Variants in TINF2 observed in about 807,000 individuals in gnomAD.
TINF2 encodes TERF1 interacting nuclear factor 2.
A neutral mutation model predicts 50.4 loss-of-function variants in TINF2; 27 were observed. That is an observed-to-expected ratio of 0.54 (90% CI 0.40 to 0.74). The LOEUF is 0.74. TINF2 is among the 30% of genes least tolerant of loss of function. The probability of loss-of-function intolerance (pLI) is 0.00; values close to 1 mark genes in which losing one functional copy is unlikely to be tolerated. For missense variants in TINF2, 496 were observed against 551.5 expected (o/e 0.90, Z 1.01); for synonymous variants, 223 against 214.6 (o/e 1.04, Z -0.34).
In TINF2 at chr14:24,241,960, C is replaced by G. The variant is rs1297715136; in HGVS notation, c.227G>C (p.Trp76Ser). 1 of 1,614,090 alleles carries G rather than the reference C, an allele frequency of 6.2e-7. No homozygotes were observed. Among genetic ancestry groups the G allele is most frequent in the Non-Finnish European group, 8.5e-7 (1 of 1,180,036 alleles). Residue 76 changes from tryptophan to serine, a missense_variant, in exon 2 of 9, where the codon TGG (tryptophan) becomes TCG (serine). Trp to Ser is a radical substitution (Grantham distance 177). This residue lies in a region of TINF2 where 314 missense variants were observed against 343.8 expected (regional missense o/e 0.91). Transcript: ENST00000267415. ...VVELILQGRP[W>S]AQVLKALNHH... ...ATTCAGGGCTTTCAGGACTTGGGCCCAAGGCCGGCCCTGCAGGATCAGCTC... is the reference window on the plus strand; with the variant it reads ...ATTCAGGGCTTTCAGGACTTGGGCCGAAGGCCGGCCCTGCAGGATCAGCTC...
At position 24,240,678 on chromosome 14, in the gene TINF2, CTCT is replaced by C. The variant is rs777178703; in HGVS notation, c.799_801del (p.Arg267del). 3 of 1,614,176 alleles carry C rather than the reference CTCT, an allele frequency of 1.9e-6. No individual in the cohort carries two copies. Among genetic ancestry groups the C allele is most frequent in the Non-Finnish European group, 2.5e-6 (3 of 1,180,020 alleles). ...CTAGTGGAGGCCCATTGGGACTGAA[CTCT>C]TCGTCGGCCTAGAGGGGCCAGATTG... is the stretch of plus-strand genomic sequence containing the variant. On this transcript the variant is annotated inframe_deletion, in exon 6 of 9. Transcript: ENST00000267415.
intron 3 of TINF2, 79 bp downstream of exon 3, chr14:24,241,596 G>A (rs1237316207): frequency 1.5e-5 from 19 of 1,273,680 alleles, no homozygotes; most frequent in East Asian, 5.1e-5. Context: ...CAGCCTGGGC[G>A]ACAGAGCAAG....
In TINF2 at chr14:24,241,738, T is replaced by C; in HGVS notation, c.336A>G (p.Glu112=). The C allele has an allele frequency of 6.2e-7, 1 of 1,613,698 alleles. No individual in the cohort carries two copies. The highest frequency in any genetic ancestry group is 8.5e-7 in the Non-Finnish European group (1 of 1,179,846). Residue 112 remains glutamate, a synonymous_variant, in exon 3 of 9, where the codon GAA becomes GAG. Coordinates refer to ENST00000267415, the MANE Select transcript of TINF2 (RefSeq NM_001099274.3). ...QDLRKILEAQ[E]TFYQQVKQLS... is the part of the protein sequence containing the mutation. ...GCTGCTTCACCTGCTGGTAAAAAGTTTCCTGTGCCTCCAAAATCTTCCTCA... is the reference window on the plus strand; with the variant it reads ...GCTGCTTCACCTGCTGGTAAAAAGTCTCCTGTGCCTCCAAAATCTTCCTCA...
At position 24,240,726 on chromosome 14, in the gene TINF2, G is replaced by C. The variant is rs768311481; in HGVS notation, c.754C>G (p.Pro252Ala). 1 of 1,613,662 alleles carries C rather than the reference G, an allele frequency of 6.2e-7. No homozygotes were observed. Among genetic ancestry groups the C allele is most frequent in the East Asian group, 2.2e-5 (1 of 44,878 alleles). ...AGATTGAAGTGTCGGCCAGCTAGAGGTTCTGGGTGCGTCCTTGAAGATGGT... is the reference window on the plus strand; with the variant it reads ...AGATTGAAGTGTCGGCCAGCTAGAGCTTCTGGGTGCGTCCTTGAAGATGGT... Reference protein sequence around the residue: ...QGPSSRTHPEPLAGRHFNLAP... With the variant: ...QGPSSRTHPEALAGRHFNLAP... Residue 252 changes from proline (P) to alanine (A), a missense_variant, in exon 6 of 9, where the codon CCT becomes GCT. By Grantham distance (27) the Pro-to-Ala change is conservative. Coordinates refer to ENST00000267415, the MANE Select transcript of TINF2 (RefSeq NM_001099274.3).
rs1363732790 is a variant in TINF2, at chr14:24,240,600, C to T, written c.880G>A (p.Gly294Ser). Residue 294 changes from glycine to serine, a missense_variant, in exon 6 of 9, where the codon GGC becomes AGC. Gly to Ser is a moderately conservative substitution (Grantham distance 56). This residue lies in a region of TINF2 where 3 missense variants were observed against 19.4 expected (regional missense o/e 0.15). Transcript: ENST00000267415. ...TTAGATATGACCTGGGTTGGTGAGCCGAGATTCCTAAAGGGAAACAGCATG... is the reference window on the plus strand; with the variant it reads ...TTAGATATGACCTGGGTTGGTGAGCTGAGATTCCTAAAGGGAAACAGCATG... ...TVMLFPFRNL[G>S]SPTQVISKPE... 15 of 1,614,028 alleles carry T rather than the reference C, an allele frequency of 9.3e-6. No homozygotes were observed. The highest frequency in any genetic ancestry group is 2.7e-5 in the African/African-American group (2 of 74,902).
chr14:24,240,121 G>A lies in TINF2; in HGVS notation c.1164C>T (p.Thr388=), dbSNP rs1188264509. The part of the protein sequence containing the change: ...CPPSLCSSVI[T]IGDLVLDSDE... The stretch of plus-strand genomic sequence containing the variant: ...CAGAGTCTAAAACCAAGTCCCCTAT[G>A]GTAATGACGGAGCTGCACAGAGACG... Residue 388 remains threonine, a synonymous_variant, in exon 8 of 9, where the codon ACC becomes ACT. Transcript: ENST00000267415. 1.9e-6 allele frequency: 3 copies of A among 1,613,974 alleles called. No homozygotes were observed. The highest frequency in any genetic ancestry group is 2.7e-5 in the African/African-American group (2 of 74,938).
In TINF2 at chr14:24,242,197, G is replaced by T; in HGVS notation, c.136C>A (p.Pro46Thr). Residue 46 changes from proline to threonine, a missense_variant, in exon 1 of 9, where the codon CCT (proline) becomes ACT (threonine). This residue lies in a region of TINF2 where 314 missense variants were observed against 343.8 expected (regional missense o/e 0.91). Transcript: ENST00000267415. ...EFLRSLRAVA[P>T]GLVRYRHHER... is the part of the protein sequence containing the mutation. ...TGGTGCCGGTAGCGAACCAAGCCAGGGGCAACAGCGCGCAGAGATCGCAGA... is the reference window on the plus strand; with the variant it reads ...TGGTGCCGGTAGCGAACCAAGCCAGTGGCAACAGCGCGCAGAGATCGCAGA... 1 of 1,614,246 alleles carries T rather than the reference G, an allele frequency of 6.2e-7. No individual in the cohort carries two copies. The highest frequency in any genetic ancestry group is 8.5e-7 in the Non-Finnish European group (1 of 1,180,036).
chr14:24,240,829 C>G lies in TINF2; in HGVS notation c.651G>C (p.Gln217His), dbSNP rs1271444952. 3 of 1,613,924 alleles carry G rather than the reference C, an allele frequency of 1.9e-6. No homozygotes were observed. Among genetic ancestry groups the G allele is most frequent in the African/African-American group, 2.7e-5 (2 of 74,928 alleles). The change falls in exon 6 of 9, where the codon CAG becomes CAC. Residue 217 changes from glutamine to histidine, a missense_variant. Coordinates refer to ENST00000267415, the MANE Select transcript of TINF2 (RefSeq NM_001099274.3). ...DSVNLAEPME[Q>H]NPPQQQRLAL... is the part of the protein sequence containing the mutation. The stretch of plus-strand genomic sequence containing the variant: ...CTAGTCTTTGTTGCTGAGGAGGATT[C>G]TGTTCCATGGGCTCAGCCAGGTTCA...
rs1171794268 is a variant in TINF2 at position 24,240,715 on chromosome 14, G to T, written c.765C>A (p.Gly255=). The change falls in exon 6 of 9, where the codon GGC becomes GGA. Residue 255 remains glycine (G), a synonymous_variant. Transcript: ENST00000267415. The part of the protein sequence containing the change: ...SSRTHPEPLA[G]RHFNLAPLGR... ...CTAGAGGGGCCAGATTGAAGTGTCG[G>T]CCAGCTAGAGGTTCTGGGTGCGTCC... 18 of 1,613,652 alleles carry T rather than the reference G, an allele frequency of 1.1e-5. No individual in the cohort carries two copies. Among genetic ancestry groups the T allele is most frequent in the Non-Finnish European group, 1.4e-5 (17 of 1,179,852 alleles).
At position 24,240,747 on chromosome 14, in the gene TINF2, A is replaced by G; in HGVS notation, c.733T>C (p.Ser245Pro). Reference protein sequence around the residue: ...KPGTHLPQGPSSRTHPEPLAG... With the variant: ...KPGTHLPQGPPSRTHPEPLAG... ...AGAGGTTCTGGGTGCGTCCTTGAAG[A>G]TGGTCCCTGAGGAAGATGTGTGCCA... The change falls in exon 6 of 9, where the codon TCT (serine) becomes CCT (proline). Residue 245 changes from serine (S) to proline (P), a missense_variant. By Grantham distance (74) the Ser-to-Pro change is moderately conservative (BLOSUM62 -1). Transcript: ENST00000267415. 6.2e-7 allele frequency: 1 copy of G among 1,613,326 alleles called. No homozygotes were observed. Among genetic ancestry groups the G allele is most frequent in the Non-Finnish European group, 8.5e-7 (1 of 1,179,640 alleles).
At position 24,240,285 on chromosome 14, in the gene TINF2, T is replaced by C. The variant is rs773079919; in HGVS notation, c.1107A>G (p.Leu369=). 7.4e-6 allele frequency: 12 copies of C among 1,613,732 alleles called. No individual in the cohort carries two copies. Among genetic ancestry groups the C allele is most frequent in the Non-Finnish European group, 1.0e-5 (12 of 1,179,928 alleles). The change falls in exon 7 of 9, where the codon TTA becomes TTG. Residue 369 remains leucine (L), a synonymous_variant. Transcript: ENST00000267415. The part of the protein sequence containing the change: ...CYMDPLRLSL[L]PPRARKPVCP... ...TACCTGGCTTCCTGGCCCTAGGAGG[T>C]AATAATGATAGTCTCAGGGGGTCCA...
In TINF2 at chr14:24,240,147, G is replaced by C. The variant is rs1334194668; in HGVS notation, c.1138C>G (p.Pro380Ala). 1 of 1,614,024 alleles carries C rather than the reference G, an allele frequency of 6.2e-7. No individual in the cohort carries two copies. Among genetic ancestry groups the C allele is most frequent in the Non-Finnish European group, 8.5e-7 (1 of 1,180,016 alleles). Residue 380 changes from proline to alanine, a missense_variant, in exon 8 of 9, where the codon CCG becomes GCG. By Grantham distance (27) the Pro-to-Ala change is conservative (BLOSUM62 -1). This residue lies in a region of TINF2 where 179 missense variants were observed against 188.3 expected (regional missense o/e 0.95). Coordinates refer to ENST00000267415, the MANE Select transcript of TINF2 (RefSeq NM_001099274.3). ...GTAATGACGGAGCTGCACAGAGACG[G>C]AGGACACACTGTAGGAGGGAAACCA... is the stretch of plus-strand genomic sequence containing the variant. ...PPRARKPVCP[P>A]SLCSSVITIG... is the part of the protein sequence containing the mutation.
Position 24,240,652 on chromosome 14 carries a change from C to G in TINF2, c.828G>C (p.Arg276Ser). 1 of 1,614,134 alleles carries G rather than the reference C, an allele frequency of 6.2e-7. No individual in the cohort carries two copies. The highest frequency in any genetic ancestry group is 8.5e-7 in the Non-Finnish European group (1 of 1,180,016). ...CTGTGGGGCGCTCCTTATGGCCTCCCCTAGTGGAGGCCCATTGGGACTGAA... is the reference window on the plus strand; with the variant it reads ...CTGTGGGGCGCTCCTTATGGCCTCCGCTAGTGGAGGCCCATTGGGACTGAA... ...RRVQSQWAST[R>S]GGHKERPTVM... The change falls in exon 6 of 9, where the codon AGG (arginine) becomes AGC (serine). Residue 276 changes from arginine to serine, a missense_variant. By Grantham distance (110) the Arg-to-Ser change is moderately radical (BLOSUM62 -1). Around this residue, in one of 3 missense-constraint regions of TINF2, gnomAD observed 314 missense variants for 343.8 expected, o/e 0.91. Coordinates refer to ENST00000267415, the MANE Select transcript of TINF2 (RefSeq NM_001099274.3).
At position 24,240,717 on chromosome 14, in the gene TINF2, C is replaced by G. The variant is rs1165489480; in HGVS notation, c.763G>C (p.Gly255Arg). ...SSRTHPEPLA[G>R]RHFNLAPLGR... ...AGAGGGGCCAGATTGAAGTGTCGGC[C>G]AGCTAGAGGTTCTGGGTGCGTCCTT... Residue 255 changes from glycine to arginine, a missense_variant, in exon 6 of 9, where the codon GGC becomes CGC. Physicochemically the swap from Gly to Arg is moderately radical, Grantham distance 125. Around this residue, in one of 3 missense-constraint regions of TINF2, gnomAD observed 314 missense variants for 343.8 expected, o/e 0.91. Transcript: ENST00000267415. 6.2e-7 allele frequency: 1 copy of G among 1,613,528 alleles called. No homozygotes were observed. Among genetic ancestry groups the G allele is most frequent in the African/African-American group, 1.3e-5 (1 of 74,776 alleles).
Position 24,240,174 on chromosome 14 carries a change from A to G in TINF2, c.1130-19T>C. ...GGACACACTGTAGGAGGGAAACCAGAATCAAACTACTACTTCTAGATGAAC... is the reference window on the plus strand; with the variant it reads ...GGACACACTGTAGGAGGGAAACCAGGATCAAACTACTACTTCTAGATGAAC... On this transcript the variant is annotated intron_variant, in intron 7 of 8. Transcript: ENST00000267415. The G allele has an allele frequency of 6.2e-7, 1 of 1,614,102 alleles. No individual in the cohort carries two copies. The highest frequency in any genetic ancestry group is 2.2e-5 in the East Asian group (1 of 44,866).
Position 24,240,409 on chromosome 14 carries a change from T to C in TINF2, c.1061+10A>G. 2 of 1,614,126 alleles carry C rather than the reference T, an allele frequency of 1.2e-6. No individual in the cohort carries two copies. Among genetic ancestry groups the C allele is most frequent in the South Asian group, 2.2e-5 (2 of 91,080 alleles). ...GTGCTCCTAGTAAGAAGCAACTCTGTTCCACTCACTCCTTTTGCTCTGTGG... is the reference window on the plus strand; with the variant it reads ...GTGCTCCTAGTAAGAAGCAACTCTGCTCCACTCACTCCTTTTGCTCTGTGG... On this transcript the variant is annotated intron_variant, in intron 6 of 8. Transcript: ENST00000267415.
Position 24,242,439 on chromosome 14 carries a change from C to G in TINF2, c.-107G>C, listed in dbSNP as rs959046163. On this transcript the variant is annotated 5_prime_UTR_variant, in exon 1 of 9. Coordinates refer to ENST00000267415, the MANE Select transcript of TINF2 (RefSeq NM_001099274.3). The stretch of plus-strand genomic sequence containing the variant: ...GGGCTTCTGGCAACTCCCTGTCGCT[C>G]CGGTCTGTCGGCTCTGGGTACCTCG... The G allele has an allele frequency of 4.1e-6, 6 of 1,464,634 alleles. No individual in the cohort carries two copies. The African/African-American group carries it at 7.1e-5, about 17-fold the overall frequency. The allele number at this position is 1,464,634 out of a possible 1,614,324, so 90.7% of individuals were successfully genotyped here. A position where few individuals can be genotyped will look rare whatever the true frequency, so the allele number is the denominator to read the frequency against.
At chr14:24,242,098 C>A in intron 1 of TINF2, 43 bp downstream of exon 1, 1 of 1,614,166 alleles carries the variant, frequency 6.2e-7, no homozygotes, top group Non-Finnish European at 8.5e-7. Flanking sequence ...CGCATCCCGC[C>A]CCTTTCTTTC....
In TINF2 at chr14:24,239,694, T is replaced by G. The variant is rs1566364975; in HGVS notation, c.*103A>C. On this transcript the variant is annotated 3_prime_UTR_variant, in exon 9 of 9. Transcript: ENST00000267415. ...TAAGGATTACAAATATTTTTAGCAG[T>G]GTAGTTAGGCAATCCAAGCCTGGAC... 2 of 1,610,250 alleles carry G rather than the reference T, an allele frequency of 1.2e-6. No homozygotes were observed. The highest frequency in any genetic ancestry group is 1.7e-6 in the Non-Finnish European group (2 of 1,179,040).
Sources: gnomAD v4.1 joint callset for allele counts on GRCh38, gnomAD v4.1.1 for gene constraint, gnomAD v4.1.1 regional missense constraint, MANE v1.5 for transcripts, NCBI Gene and HGNC (gene_info 2026-07-23, HGNC 2026-07-21) for gene names.